Variants in AKAP1 observed in about 807,000 individuals in gnomAD.
AKAP1 encodes A-kinase anchoring protein 1, also known as A-kinase anchor protein 1, mitochondrial.
A neutral mutation model predicts 79.8 loss-of-function variants in AKAP1; 32 were observed. The ratio of observed to expected loss-of-function variants is 0.40; its 90% CI spans 0.30 to 0.54. AKAP1 has a LOEUF of 0.54. AKAP1 is among the 20% of genes least tolerant of loss of function. AKAP1 has a pLI of 0.47. For synonymous variants in AKAP1, 416 were observed against 466.7 expected (o/e 0.89, Z 1.40); for missense variants, 961 against 1,138.9 (o/e 0.84, Z 2.25).
In AKAP1 at chr17:57,119,830, C is replaced by CTTT. The variant is rs3054874; in HGVS notation, c.2638-402_2638-400dup. 2.6e-3 allele frequency among the ~76,000 whole-genome samples: 181 copies of CTTT among 70,302 alleles called. 30 individuals are homozygous for CTTT. Among genetic ancestry groups the CTTT allele is most frequent in the Non-Finnish European group, 3.2e-3 (126 of 39,760 alleles). 46.1% of individuals were successfully genotyped at this position (70,302 alleles called of 152,430 possible). Reference sequence around the variant, plus strand: ...AAGCCATGTCCCCCACCCTGTTACTCTTTTTTTTTTTTTTTTTTTTGAGAC... The same window carrying CTTT: ...AAGCCATGTCCCCCACCCTGTTACTCTTTTTTTTTTTTTTTTTTTTTTTGAGAC... On this transcript the variant is annotated intron_variant, in intron 10 of 10. Coordinates refer to ENST00000337714, the MANE Select transcript of AKAP1 (RefSeq NM_003488.4).
chr17:57,106,376 G>A lies in AKAP1; in HGVS notation c.912G>A (p.Leu304=). ...AGGATAGAGGTGTCGAGGGAGAACT[G>A]GGCAATGAGGAGAGCTTGGATAGAA... ...KAQDRGVEGE[L]GNEESLDRNE... is the part of the protein sequence containing the mutation. Residue 304 remains leucine, a synonymous_variant, in exon 2 of 11, where the codon CTG becomes CTA. Transcript: ENST00000337714. 1 of 1,613,910 alleles carries A rather than the reference G, an allele frequency of 6.2e-7. No homozygotes were observed. The highest frequency in any genetic ancestry group is 8.5e-7 in the Non-Finnish European group (1 of 1,179,934).
At chr17:57,094,916 G>A (rs776154174) in intron 1 of AKAP1, 1 of 151,942 alleles carries the variant, frequency 6.6e-6, no homozygotes, top group African/African-American at 2.4e-5. Flanking sequence ...GGCTGAAGAT[G>A]GGTCTTGAAT....
chr17:57,088,707 T>C (rs980939588), intron 1 of AKAP1, among the ~76,000 whole-genome samples: 28 of 152,242 alleles, frequency 1.8e-4, no homozygotes, highest in African/African-American at 6.5e-4. Context: ...TCATTCAGCA[T>C]TCTGAGAACT....
chr17:57,118,303 ACCTGAAACTTGTGTACATGACAAGGGTG>A, intron 8 of AKAP1, 50 bp from the exon 9 acceptor site: 1 of 1,333,206 alleles, frequency 7.5e-7, no homozygotes, highest in Non-Finnish European at 1.1e-6. Flanking sequence ...CTTGGAATGC[ACCTGAAACTTGTGTACATGACAAGGGTG>A]CCTTGCCTCA....
At chr17:57,114,014 C>T (rs1459034784) in intron 5 of AKAP1, among the ~76,000 whole-genome samples, 1 of 152,154 alleles carries the variant, frequency 6.6e-6, no homozygotes, top group African/African-American at 2.4e-5. Context: ...CTGGGGCCTG[C>T]CTACTGCTTA....
intron 7 of AKAP1, 131 bp from the exon 8 acceptor site, chr17:57,116,729 C>T (rs1350135795): frequency 1.1e-6 from 1 of 871,010 alleles, no homozygotes; most frequent in African/African-American, 1.6e-5. Flanking sequence ...GCCGTGGCCT[C>T]CTGCAAAGTA....
At chr17:57,112,045 G>A in intron 4 of AKAP1, 121 bp downstream of exon 4, 1 of 1,308,704 alleles carries the variant, frequency 7.6e-7, no homozygotes, top group South Asian at 1.4e-5. Context: ...TCCCAGGGAA[G>A]GGAGCATTAG....
At chr17:57,115,504 G>C (rs942396901) in intron 6 of AKAP1, among the ~76,000 whole-genome samples, 1 of 152,180 alleles carries the variant, frequency 6.6e-6, no homozygotes, top group Non-Finnish European at 1.5e-5. Context: ...GGGTGCTGCT[G>C]GGAACGTTTA....
Position 57,111,811 on chromosome 17 carries a change from G to A in AKAP1, c.1862G>A (p.Arg621Gln), listed in dbSNP as rs780776078. The A allele has an allele frequency of 1.2e-5, 19 of 1,613,870 alleles. No individual in the cohort carries two copies. Among genetic ancestry groups the A allele is most frequent in the Admixed American group, 1.7e-5 (1 of 59,954 alleles). Residue 621 changes from arginine (R) to glutamine (Q), a missense_variant, in exon 4 of 11, where the codon CGG (arginine) becomes CAG (glutamine). Physicochemically the swap from Arg to Gln is conservative, Grantham distance 43 (BLOSUM62 1). Around this residue, in one of 3 missense-constraint regions of AKAP1, gnomAD observed 629 missense variants for 781.1 expected, o/e 0.81. Coordinates refer to ENST00000337714, the MANE Select transcript of AKAP1 (RefSeq NM_003488.4). ...EIEVPKHLVG[R>Q]LIGKQGRYVS... ...TCTTTCTGGAAGCACTTAGTCGGTC[G>A]GCTAATTGGCAAGCAGGGGCGCTAT...
At chr17:57,111,953 T>G in intron 4 of AKAP1, 29 bp downstream of exon 4, 2 of 1,599,046 alleles carry the variant, frequency 1.3e-6, no homozygotes, top group Non-Finnish European at 1.7e-6. Flanking sequence ...TTGTATTGCC[T>G]CTTACCTGAA....
At position 57,118,400 on chromosome 17, in the gene AKAP1, G is replaced by A. The variant is rs7212834; in HGVS notation, c.2520G>A (p.Pro840=). The change falls in exon 9 of 11, where the codon CCG becomes CCA. Residue 840 remains proline, a synonymous_variant. Transcript: ENST00000337714. ...MPLSDDDQFS[P]EADAAMSEMT... ...CTGAAGACGATGACCAGTTTTCACC[G>A]GAAGCAGATGCCGCCATGAGCGAGA... 2.5e-5 allele frequency: 41 copies of A among 1,613,968 alleles called. No homozygotes were observed. Among genetic ancestry groups the A allele is most frequent in the Admixed American group, 8.3e-5 (5 of 60,012 alleles).
Position 57,086,301 on chromosome 17 carries a change from G to T in AKAP1, c.-25+903G>T, listed in dbSNP as rs1433031321. The T allele has an allele frequency of 2.5e-6, 1 of 398,566 alleles. No homozygotes were observed. Among genetic ancestry groups the T allele is most frequent in the Non-Finnish European group, 5.0e-6 (1 of 199,882 alleles). The allele number at this position is 398,566 out of a possible 1,614,324, so 24.7% of individuals were successfully genotyped here. On this transcript the variant is annotated intron_variant, in intron 1 of 10. Transcript: ENST00000337714. This position sits in a 1 kb window ranked among gnomAD's most constrained non-coding sequence, Gnocchi z 5.1. ...GTGCTAGGAGAGGCAGTGGCTGGAT[G>T]CCTCGAACGCGGGCTTTCTGGCGTT...
chr17:57,093,039 C>T (rs1324398405), intron 1 of AKAP1: 1 of 152,474 alleles, frequency 6.6e-6, no homozygotes, highest in Non-Finnish European at 1.5e-5. Context: ...GCATTCCCGC[C>T]TCATTCTGTC....
chr17:57,090,498 C>T (rs143738730), intron 1 of AKAP1, among the ~76,000 whole-genome samples: 1 of 152,064 alleles, frequency 6.6e-6, no homozygotes, highest in Non-Finnish European at 1.5e-5. Context: ...CCTGCCGCCC[C>T]CCATGCTCAT....
rs528653950 is a variant in AKAP1, at chr17:57,088,128, G to A, written c.-25+2730G>A. The stretch of plus-strand genomic sequence containing the variant: ...TGAGAGTTGCTCATCTTTATGGTGG[G>A]GGGTGTATTTTAGTCCTAAATCTTG... On this transcript the variant is annotated intron_variant, in intron 1 of 10. Coordinates refer to ENST00000337714, the MANE Select transcript of AKAP1 (RefSeq NM_003488.4). Among the ~76,000 whole-genome samples the A allele has an allele frequency of 2.5e-4, 38 of 152,272 alleles. No homozygotes were observed. In the South Asian group the frequency reaches 6.0e-3, roughly 24 times the overall value.
In AKAP1 at chr17:57,086,135, G is replaced by T. The variant is rs964555673; in HGVS notation, c.-25+737G>T. The T allele has an allele frequency of 3.4e-6, 1 of 297,832 alleles. No individual in the cohort carries two copies. Among genetic ancestry groups the T allele is most frequent in the Non-Finnish European group, 6.6e-6 (1 of 151,896 alleles). 18.4% of individuals were successfully genotyped at this position (297,832 alleles called of 1,614,324 possible). A position where few individuals can be genotyped will look rare whatever the true frequency, so the allele number is the denominator to read the frequency against. On this transcript the variant is annotated intron_variant, in intron 1 of 10. Coordinates refer to ENST00000337714, the MANE Select transcript of AKAP1 (RefSeq NM_003488.4). The surrounding 1 kb of genome is among the most constrained non-coding windows in gnomAD (Gnocchi z 5.1). The stretch of plus-strand genomic sequence containing the variant: ...ATTCGTAGCCCCTGCAGGCGTGTCC[G>T]GAGGGGTGGAGGCCGTCCAGCCTGG...
chr17:57,115,641 C>A (rs560281302), intron 6 of AKAP1, among the ~76,000 whole-genome samples: 1 of 152,306 alleles, frequency 6.6e-6, no homozygotes, highest in Non-Finnish European at 1.5e-5. Context: ...GCCCAGGAGG[C>A]CCCTTCTGGT....
chr17:57,106,745 G>A lies in AKAP1; in HGVS notation c.1281G>A (p.Glu427=). ...AGLPLPGLPA[E]GSPPPKTYVS... is the part of the protein sequence containing the mutation. Reference sequence around the variant, plus strand: ...TCCCCTTGCCAGGCCTACCAGCAGAGGGCTCACCACCACCAAAGACCTACG... The same window carrying A: ...TCCCCTTGCCAGGCCTACCAGCAGAAGGCTCACCACCACCAAAGACCTACG... Residue 427 remains glutamate, a synonymous_variant, in exon 2 of 11, where the codon GAG becomes GAA. Coordinates refer to ENST00000337714, the MANE Select transcript of AKAP1 (RefSeq NM_003488.4). 1.2e-6 allele frequency: 2 copies of A among 1,613,938 alleles called. No individual in the cohort carries two copies. The highest frequency in any genetic ancestry group is 1.6e-4 in the Middle Eastern group (1 of 6,062).
chr17:57,118,474 G>C lies in AKAP1; in HGVS notation c.2574+20G>C, dbSNP rs199605238. On this transcript the variant is annotated intron_variant, in intron 9 of 10. Transcript: ENST00000337714. ...GCTCAGGTGTGTGGTTGGCAGGGGT[G>C]GGGGAGGCAGGCTGGCTGGGTTCTT... The C allele has an allele frequency of 1.7e-4, 267 of 1,613,260 alleles. No individual in the cohort carries two copies. Among genetic ancestry groups the C allele is most frequent in the Admixed American group, 6.3e-4 (38 of 60,000 alleles).
Sources: allele counts gnomAD v4.1 joint callset (sites outside exome capture counted in the v4.1 genomes callset), GRCh38; gene constraint gnomAD v4.1.1; regional missense constraint gnomAD v4.1.1; non-coding constraint Gnocchi (gnomAD v3.1); transcripts MANE v1.5; gene names NCBI Gene and HGNC (gene_info 2026-07-23, HGNC 2026-07-21).